The following PKNOX2 variants were observed in gnomAD, a reference collection of about 807,000 sequenced individuals.
PKNOX2 encodes PBX/knotted 1 homeobox 2.
PKNOX2 carries 14 observed loss-of-function variants against 53.1 expected under a neutral mutation model. The observed-to-expected ratio is 0.26, with a 90% CI of 0.17 to 0.41. The LOEUF is 0.41. Among genes scored for constraint, PKNOX2 ranks in the 10% least tolerant of loss-of-function variants. PKNOX2 has a pLI of 1.00. For missense variants in PKNOX2, 496 were observed against 602.8 expected, an observed-to-expected ratio of 0.82 and a Z score of 1.85; for synonymous variants, 257 against 242.8, an observed-to-expected ratio of 1.06 and a Z score of -0.54.
intron 5 of PKNOX2, among the ~76,000 whole-genome samples, chr11:125,384,409 C>T (rs1043779134): frequency 1.6e-4 from 25 of 152,202 alleles, no homozygotes; most frequent in African/African-American, 5.5e-4. Flanking sequence ...AGAGCCAGGC[C>T]GGGTGGTGGC....
intron 2 of PKNOX2, among the ~76,000 whole-genome samples, chr11:125,282,489 G>A (rs1278911638): frequency 2.6e-5 from 4 of 152,152 alleles, no homozygotes; most frequent in African/African-American, 7.2e-5. Flanking sequence ...AGATTGCTGG[G>A]CCCTCCCTCT....
chr11:125,377,687 GGAA>G (rs1166971758), intron 5 of PKNOX2, among the ~76,000 whole-genome samples: 1 of 152,158 alleles, frequency 6.6e-6, no homozygotes, highest in Admixed American at 6.5e-5. Flanking sequence ...GAGCCACATT[GGAA>G]GAAGAATTGG....
At chr11:125,278,112 AG>A (rs1183561955) in intron 2 of PKNOX2, among the ~76,000 whole-genome samples, 1 of 151,778 alleles carries the variant, frequency 6.6e-6, no homozygotes, top group Non-Finnish European at 1.5e-5. Flanking sequence ...TCAGCTACTC[AG>A]GAGGCTGAGG....
At chr11:125,333,767 T>A (rs1950274801) in intron 3 of PKNOX2, among the ~76,000 whole-genome samples, 1 of 152,210 alleles carries the variant, frequency 6.6e-6, no homozygotes, top group Admixed American at 6.5e-5. Flanking sequence ...CGCTCTCTTT[T>A]TTTAAAATCG....
intron 3 of PKNOX2, among the ~76,000 whole-genome samples, chr11:125,349,973 A>C (rs1279628235): frequency 1.3e-5 from 2 of 151,984 alleles, no homozygotes; most frequent in African/African-American, 4.8e-5. Flanking sequence ...AGACCCTGGG[A>C]AGGGCCAGGC....
At chr11:125,320,267 ACC>A (rs1367264057) in intron 2 of PKNOX2, among the ~76,000 whole-genome samples, 1 of 151,086 alleles carries the variant, frequency 6.6e-6, no homozygotes, top group Non-Finnish European at 1.5e-5. Context: ...TTGAATTAGC[ACC>A]CCTCCTTTTC....
In PKNOX2 at chr11:125,225,495, T is replaced by C. The variant is rs145665480; in HGVS notation, c.-200-9550T>C. 7.2e-5 allele frequency among the ~76,000 whole-genome samples: 11 copies of C among 152,322 alleles called. No homozygotes were observed. The East Asian group carries it at 1.7e-3, about 24-fold the overall frequency. Reference sequence around the variant, plus strand: ...TCAAGAGAGATGATCTCTAAGAGTCTGCCCAGGCCCATCCATCTCACTTCT... The same window carrying C: ...TCAAGAGAGATGATCTCTAAGAGTCCGCCCAGGCCCATCCATCTCACTTCT... On this transcript the variant is annotated intron_variant, in intron 1 of 12. Coordinates refer to ENST00000298282, the MANE Select transcript of PKNOX2 (RefSeq NM_001382323.2).
At chr11:125,331,359 TC>T (rs1377556658) in intron 2 of PKNOX2, among the ~76,000 whole-genome samples, 43 of 134,434 alleles carry the variant, frequency 3.2e-4, no homozygotes, top group African/African-American at 1.1e-3. Context: ...TCAGTGTCTC[TC>T]CAGACCCCAG....
intron 2 of PKNOX2, among the ~76,000 whole-genome samples, chr11:125,306,066 G>A (rs958912282): frequency 7.9e-5 from 12 of 151,808 alleles, no homozygotes; most frequent in Admixed American, 5.2e-4. Context: ...TCCCCAAGGT[G>A]AGCCCCAAAA....
chr11:125,216,726 C>T (rs144119666), intron 1 of PKNOX2, among the ~76,000 whole-genome samples: 82 of 152,262 alleles, frequency 5.4e-4, no homozygotes, highest in Middle Eastern at 3.4e-3. Flanking sequence ...TCCGAAGGTG[C>T]TTCCTCCCTC....
chr11:125,294,753 A>G (rs150033043), intron 2 of PKNOX2, among the ~76,000 whole-genome samples: 4 of 152,342 alleles, frequency 2.6e-5, no homozygotes, highest in Middle Eastern at 3.4e-3. Context: ...TTCATCTGCA[A>G]TACGAACAGG....
intron 1 of PKNOX2, among the ~76,000 whole-genome samples, chr11:125,189,401 G>A (rs77670744): frequency 5.0e-5 from 2 of 39,968 alleles, no homozygotes; most frequent in East Asian, 2.0e-3. Flanking sequence ...ATATATATGT[G>A]TGTATATATA....
intron 5 of PKNOX2, 57 bp from the exon 6 acceptor site, chr11:125,385,494 C>T (rs1953560820): frequency 7.3e-6 from 11 of 1,515,452 alleles, no homozygotes; most frequent in Non-Finnish European, 9.7e-6. Flanking sequence ...CTTCTGAGCA[C>T]AGGTAGCAGC....
chr11:125,173,337 CAG>C, intron 1 of PKNOX2, among the ~76,000 whole-genome samples: 1 of 152,250 alleles, frequency 6.6e-6, no homozygotes. Flanking sequence ...AACTGGGGCT[CAG>C]AGAGTGGCTA....
At chr11:125,304,584 T>C (rs1354468028) in intron 2 of PKNOX2, among the ~76,000 whole-genome samples, 2 of 152,240 alleles carry the variant, frequency 1.3e-5, no homozygotes, top group Non-Finnish European at 2.9e-5. Flanking sequence ...GAATTCCTTA[T>C]GCATCTCAGG....
chr11:125,244,477 T>TC (rs1943411537), intron 2 of PKNOX2, among the ~76,000 whole-genome samples: 1 of 152,134 alleles, frequency 6.6e-6, no homozygotes. Context: ...CTATAAACCC[T>TC]CCCAGGGACC....
intron 7 of PKNOX2, among the ~76,000 whole-genome samples, chr11:125,408,125 T>A (rs528321317): frequency 6.6e-6 from 1 of 152,056 alleles, no homozygotes; most frequent in Non-Finnish European, 1.5e-5. Context: ...GTGAAGGAGA[T>A]CTGTGTTCTA....
rs1212086894 is a variant in PKNOX2, at chr11:125,181,827, TG to T, written c.-201+17056del. On this transcript the variant is annotated intron_variant, in intron 1 of 12. Coordinates refer to ENST00000298282, the MANE Select transcript of PKNOX2 (RefSeq NM_001382323.2). ...AAAATGGGCCAGTAACCCCATGCTA[TG>T]GGGGTGCAATCAGCATTTCATGGCT... is the stretch of plus-strand genomic sequence containing the variant. Among the ~76,000 whole-genome samples, 3 of 152,324 alleles carry T rather than the reference TG, an allele frequency of 2.0e-5. No individual in the cohort carries two copies. The East Asian group carries it at 5.8e-4, about 29-fold the overall frequency.
chr11:125,359,704 C>A (rs1951817946), intron 4 of PKNOX2, among the ~76,000 whole-genome samples: 1 of 152,182 alleles, frequency 6.6e-6, no homozygotes, highest in Admixed American at 6.5e-5. Flanking sequence ...GGAGGGAGTA[C>A]CAGCCCTGCC....
Sources: gnomAD v4.1 joint callset for allele counts (sites outside exome capture counted in the v4.1 genomes callset) on GRCh38, gnomAD v4.1.1 for gene constraint, MANE v1.5 for transcripts, NCBI Gene and HGNC (gene_info 2026-07-23, HGNC 2026-07-21) for gene names.